The following CSMD1 variants were observed in gnomAD, a reference collection of about 807,000 sequenced individuals.
CSMD1 encodes the protein CUB and Sushi multiple domains 1, also known as CUB and sushi domain-containing protein 1.
A neutral mutation model predicts 417.5 loss-of-function variants in CSMD1; 213 were observed. That is an observed-to-expected ratio of 0.51 (90% CI 0.46 to 0.57). The LOEUF (loss-of-function observed/expected upper bound fraction) is 0.57. Among genes scored for constraint, CSMD1 ranks in the 20% least tolerant of loss-of-function variants. CSMD1 has a pLI of 0.00. For synonymous variants in CSMD1, 2,862 were observed against 1,736.8 expected (o/e 1.65, Z -16.11); for missense variants, 6,923 against 4,529.7 (o/e 1.53, Z -15.17).
At chr8:3,515,141 T>C (rs1797233428) in intron 10 of CSMD1, 1 of 152,344 alleles carries the variant, frequency 6.6e-6, no homozygotes, top group East Asian at 1.9e-4. Context: ...CTTGAATACA[T>C]GCGAAGGATC....
At chr8:3,383,749 G>A (rs752451738) in intron 18 of CSMD1, among the ~76,000 whole-genome samples, 2 of 152,070 alleles carry the variant, frequency 1.3e-5, no homozygotes, top group African/African-American at 2.4e-5. Context: ...AGAAATGGAA[G>A]CAAAGAAAGA....
intron 1 of CSMD1, among the ~76,000 whole-genome samples, chr8:4,946,318 A>T (rs1808367577): frequency 6.6e-6 from 1 of 152,196 alleles, no homozygotes; most frequent in African/African-American, 2.4e-5. Context: ...TAATATGACT[A>T]ACTGAAACCT....
At chr8:3,951,162 G>A (rs1184500834) in intron 5 of CSMD1, among the ~76,000 whole-genome samples, 1 of 152,182 alleles carries the variant, frequency 6.6e-6, no homozygotes, top group Non-Finnish European at 1.5e-5. Flanking sequence ...AAAGACAGAA[G>A]TTTTGAAGCA....
At chr8:4,419,796 G>C (rs1295548173) in intron 3 of CSMD1, among the ~76,000 whole-genome samples, 157 bp downstream of exon 3, 5 of 152,162 alleles carry the variant, frequency 3.3e-5, no homozygotes, top group Non-Finnish European at 7.4e-5. Context: ...GATTATAACA[G>C]TGTTACCAAA....
At chr8:3,606,760 G>A (rs1054572928) in intron 8 of CSMD1, among the ~76,000 whole-genome samples, 1 of 151,130 alleles carries the variant, frequency 6.6e-6, no homozygotes, top group Non-Finnish European at 1.5e-5. Context: ...CCCCAGGCTG[G>A]GGTACAGTGG....
intron 10 of CSMD1, among the ~76,000 whole-genome samples, chr8:3,519,552 G>A (rs142909128): frequency 1.1e-4 from 16 of 152,070 alleles, no homozygotes; most frequent in African/African-American, 1.7e-4. Context: ...GACCTTCCCC[G>A]CCATGAGGAC....
intron 3 of CSMD1, among the ~76,000 whole-genome samples, chr8:4,042,426 T>A (rs1362792858): frequency 1.3e-5 from 2 of 151,940 alleles, no homozygotes; most frequent in East Asian, 1.9e-4. Flanking sequence ...AAAACAACCA[T>A]CAATCTAAAT....
intron 69 of CSMD1, among the ~76,000 whole-genome samples, chr8:2,941,207 C>A (rs1216700230): frequency 1.3e-5 from 2 of 152,098 alleles, no homozygotes; most frequent in Non-Finnish European, 2.9e-5. Flanking sequence ...ACATTACTAG[C>A]CATAGGGAAC....
At chr8:3,311,228 A>G (rs1563258758) in intron 23 of CSMD1, among the ~76,000 whole-genome samples, 1 of 152,128 alleles carries the variant, frequency 6.6e-6, no homozygotes, top group African/African-American at 2.4e-5. Context: ...TTGACATGAG[A>G]TAGTCCTCCC....
chr8:3,968,799 T>C (rs887124471), intron 5 of CSMD1, among the ~76,000 whole-genome samples: 5 of 152,176 alleles, frequency 3.3e-5, no homozygotes, highest in African/African-American at 1.2e-4. Flanking sequence ...AATACAAAAT[T>C]AACAGAGAAA....
intron 3 of CSMD1, among the ~76,000 whole-genome samples, chr8:4,259,342 G>C (rs1019016526): frequency 9.2e-5 from 14 of 152,282 alleles, no homozygotes; most frequent in African/African-American, 3.1e-4. Flanking sequence ...ATCACAGCCT[G>C]AGAACAGGAA....
intron 50 of CSMD1, among the ~76,000 whole-genome samples, chr8:3,046,270 C>T (rs568649769): frequency 1.3e-5 from 2 of 152,182 alleles, no homozygotes; most frequent in South Asian, 2.1e-4. Context: ...AGTGAAGCCA[C>T]GTGGACGCAT....
intron 23 of CSMD1, among the ~76,000 whole-genome samples, chr8:3,317,487 T>C (rs1805850597): frequency 6.6e-6 from 1 of 152,212 alleles, no homozygotes; most frequent in African/African-American, 2.4e-5. Context: ...TATTACGTTT[T>C]CTATTTTTTC....
chr8:4,922,022 T>C (rs1806530500), intron 1 of CSMD1, among the ~76,000 whole-genome samples: 1 of 152,144 alleles, frequency 6.6e-6, no homozygotes, highest in Non-Finnish European at 1.5e-5. Flanking sequence ...TGAAAAGCCT[T>C]TCAAGAATCC....
At chr8:4,568,215 T>C (rs1031499135) in intron 2 of CSMD1, among the ~76,000 whole-genome samples, 5 of 152,150 alleles carry the variant, frequency 3.3e-5, no homozygotes, top group Admixed American at 2.0e-4. Context: ...GGTATACATG[T>C]TTACTGCACC....
intron 12 of CSMD1, among the ~76,000 whole-genome samples, chr8:3,463,696 A>G (rs1816643608): frequency 6.6e-6 from 1 of 152,210 alleles, no homozygotes; most frequent in Non-Finnish European, 1.5e-5. Context: ...TTGCTCACCT[A>G]GAGAAGACGG....
chr8:3,116,175 T>C (rs1311844300), intron 42 of CSMD1, among the ~76,000 whole-genome samples: 1 of 152,234 alleles, frequency 6.6e-6, no homozygotes, highest in Non-Finnish European at 1.5e-5. Context: ...ATGAAAAGGA[T>C]ATTAAACACA....
chr8:3,205,013 T>C (rs919970213), intron 31 of CSMD1, among the ~76,000 whole-genome samples: 1 of 152,194 alleles, frequency 6.6e-6, no homozygotes, highest in African/African-American at 2.4e-5. Context: ...AAGTCAGGGT[T>C]CAGCAGGTGA....
At chr8:3,037,066 A>G (rs776854509) in intron 50 of CSMD1, among the ~76,000 whole-genome samples, 6 of 152,208 alleles carry the variant, frequency 3.9e-5, no homozygotes, top group Non-Finnish European at 8.8e-5. Flanking sequence ...AAGTGAGAAC[A>G]TAACGATATT....
Sources: allele counts gnomAD v4.1 joint callset (sites outside exome capture counted in the v4.1 genomes callset), GRCh38; gene constraint gnomAD v4.1.1; transcripts MANE v1.5; gene names NCBI Gene and HGNC (gene_info 2026-07-23, HGNC 2026-07-21).